Variants in EIF3E observed in about 807,000 individuals in gnomAD.
EIF3E encodes eIF-3 p48.
A neutral mutation model predicts 59.3 loss-of-function variants in EIF3E; 25 were observed. The ratio of observed to expected loss-of-function variants is 0.42; its 90% CI spans 0.31 to 0.59. The LOEUF (loss-of-function observed/expected upper bound fraction) is 0.59, where lower values mean the gene tolerates loss of function less well. Ranked by LOEUF, EIF3E falls within the 20% of genes least tolerant of loss-of-function variation. The pLI is 0.15. For missense variants in EIF3E, 317 were observed against 534.3 expected, an observed-to-expected ratio of 0.59 and a Z score of 4.01; for synonymous variants, 176 against 170.2, an observed-to-expected ratio of 1.03 and a Z score of -0.26.
Position 108,246,295 on chromosome 8 carries a change from G to A in EIF3E, c.90+2318C>T, listed in dbSNP as rs1000208816. On this transcript the variant is annotated intron_variant, in intron 1 of 12. Coordinates refer to ENST00000220849, the MANE Select transcript of EIF3E (RefSeq NM_001568.3). ...CTGCTAAGGGGGTGTGGGGGGGGGG[G>A]GCTGCTGTATCCTCACATAGCAGGA... Among the ~76,000 whole-genome samples the A allele has an allele frequency of 5.0e-5, 7 of 139,188 alleles. 1 individual carries two copies. The highest frequency in any genetic ancestry group is 1.9e-4 in the African/African-American group (7 of 37,044). The allele number at this position is 139,188 out of a possible 152,430, so 91.3% of individuals were successfully genotyped here. A position where few individuals can be genotyped will look rare whatever the true frequency, so the allele number is the denominator to read the frequency against.
chr8:108,233,689 T>A (rs1245375351), intron 5 of EIF3E: 27 of 402,266 alleles, frequency 6.7e-5, no homozygotes, highest in Middle Eastern at 3.6e-4. Flanking sequence ...AAAAAAAAAA[T>A]TAAAAATTAG....
chr8:108,230,888 T>C (rs777738036), intron 5 of EIF3E, among the ~76,000 whole-genome samples: 3 of 152,086 alleles, frequency 2.0e-5, no homozygotes, highest in Non-Finnish European at 4.4e-5. Flanking sequence ...CTCAAAAACT[T>C]GCTGGTAAAA....
intron 7 of EIF3E, 65 bp downstream of exon 7, chr8:108,228,202 A>C: frequency 7.0e-7 from 1 of 1,423,398 alleles, no homozygotes; most frequent in African/African-American, 1.5e-5. Context: ...AGTATATTTT[A>C]AGTTTAAACA....
At chr8:108,244,549 C>T (rs1056676911) in intron 1 of EIF3E, among the ~76,000 whole-genome samples, 2 of 152,102 alleles carry the variant, frequency 1.3e-5, no homozygotes, top group Admixed American at 1.3e-4. Flanking sequence ...AGAATTCCAA[C>T]TTAAAACTGA....
chr8:108,246,511 G>A (rs1815952440), intron 1 of EIF3E, among the ~76,000 whole-genome samples: 1 of 152,176 alleles, frequency 6.6e-6, no homozygotes, highest in African/African-American at 2.4e-5. Flanking sequence ...GTTTAGTGGT[G>A]AGATGTCTGG....
intron 10 of EIF3E, among the ~76,000 whole-genome samples, chr8:108,213,545 G>A (rs1178518258): frequency 1.3e-5 from 2 of 152,070 alleles, no homozygotes; most frequent in South Asian, 2.1e-4. Context: ...TTCTACAAGG[G>A]AAACCAAAAT....
At chr8:108,222,377 C>T (rs1021051698) in intron 7 of EIF3E, among the ~76,000 whole-genome samples, 1 of 152,114 alleles carries the variant, frequency 6.6e-6, no homozygotes, top group African/African-American at 2.4e-5. Flanking sequence ...CCCTACCTTA[C>T]AGGGCAAAAG....
intron 7 of EIF3E, among the ~76,000 whole-genome samples, chr8:108,226,867 C>T (rs1404131169): frequency 6.6e-6 from 1 of 152,168 alleles, no homozygotes; most frequent in Non-Finnish European, 1.5e-5. Flanking sequence ...CAGGGTATTT[C>T]AGATTTTGGA....
At chr8:108,231,722 C>T (rs1308184206) in intron 5 of EIF3E, 1 of 152,028 alleles carries the variant, frequency 6.6e-6, no homozygotes, top group Admixed American at 6.6e-5. Flanking sequence ...CAAAAATTCC[C>T]ACCAAACCAG....
intron 4 of EIF3E, 79 bp from the exon 5 acceptor site, chr8:108,235,181 T>A: frequency 2.5e-6 from 2 of 808,386 alleles, no homozygotes; most frequent in Non-Finnish European, 3.7e-6. Context: ...GTCTTTGAGG[T>A]CAAAACTATG....
intron 3 of EIF3E, among the ~76,000 whole-genome samples, chr8:108,239,339 C>T (rs959956032): frequency 6.6e-6 from 1 of 152,130 alleles, no homozygotes; most frequent in African/African-American, 2.4e-5. Flanking sequence ...TACAAGCGCA[C>T]ACCACCACAC....
chr8:108,205,011 T>C (rs1320491729), intron 10 of EIF3E, among the ~76,000 whole-genome samples: 1 of 152,060 alleles, frequency 6.6e-6, no homozygotes, highest in Non-Finnish European at 1.5e-5. Context: ...GATGGAAGAG[T>C]ACCTACATAT....
chr8:108,243,634 A>C (rs1454419283), intron 1 of EIF3E, among the ~76,000 whole-genome samples: 1 of 148,084 alleles, frequency 6.8e-6, no homozygotes, highest in Non-Finnish European at 1.5e-5. Context: ...GTCTCAAAAA[A>C]AAAGAAAAAA....
chr8:108,241,858 T>A lies in EIF3E; in HGVS notation c.146A>T (p.Asn49Ile). The change falls in exon 2 of 13, where the codon AAC becomes ATC. Residue 49 changes from asparagine to isoleucine, a missense_variant. Asn to Ile is a moderately radical substitution (Grantham distance 149, BLOSUM62 -3). Transcript: ENST00000220849. ...QGKLDLLSDTNMVDFAMDVYK... is the reference protein window; with the variant it reads ...QGKLDLLSDTIMVDFAMDVYK... ...TACATCCATAGCAAAGTCTACCATG[T>A]TGGTATCACTAAGAAGGTCCAATTT... The A allele has an allele frequency of 6.2e-7, 1 of 1,602,718 alleles. No individual in the cohort carries two copies. The highest frequency in any genetic ancestry group is 8.5e-7 in the Non-Finnish European group (1 of 1,177,032).
At chr8:108,237,915 T>C (rs981001189) in intron 3 of EIF3E, among the ~76,000 whole-genome samples, 1 of 152,226 alleles carries the variant, frequency 6.6e-6, no homozygotes, top group Non-Finnish European at 1.5e-5. Flanking sequence ...GGTTTTTACA[T>C]TGAAAATAGG....
chr8:108,210,493 C>T (rs1466392674), intron 10 of EIF3E, among the ~76,000 whole-genome samples: 1 of 152,122 alleles, frequency 6.6e-6, no homozygotes, highest in Non-Finnish European at 1.5e-5. Context: ...TAATTTTTAG[C>T]TCTGTTGGTC....
rs191450694 is a variant in EIF3E at position 108,201,970 on chromosome 8, C to A, written c.1300-47G>T. ...CAACACCGTGAAAAGAAAATACTTT[C>A]GGAAAAAAACTAACATAGAAGAAAG... On this transcript the variant is annotated intron_variant, in intron 12 of 12. Coordinates refer to ENST00000220849, the MANE Select transcript of EIF3E (RefSeq NM_001568.3). The A allele has an allele frequency of 4.0e-6, 6 of 1,484,666 alleles. No homozygotes were observed. In the South Asian group the frequency reaches 5.6e-5, roughly 14 times the overall value. The allele number at this position is 1,484,666 out of a possible 1,614,324, so 92.0% of individuals were successfully genotyped here.
At chr8:108,242,444 G>A in intron 1 of EIF3E, 1 of 1,288,538 alleles carries the variant, frequency 7.8e-7, no homozygotes, top group Non-Finnish European at 1.0e-6. Flanking sequence ...GGAGCAAATA[G>A]ATACATATAC....
chr8:108,235,811 C>T (rs945259363), intron 4 of EIF3E, among the ~76,000 whole-genome samples: 1 of 152,172 alleles, frequency 6.6e-6, no homozygotes, highest in East Asian at 1.9e-4. Flanking sequence ...TTCTGTTTGC[C>T]TTACTCGTTA....
Sources: allele counts gnomAD v4.1 joint callset (sites outside exome capture counted in the v4.1 genomes callset), GRCh38; gene constraint gnomAD v4.1.1; transcripts MANE v1.5; gene names NCBI Gene and HGNC (gene_info 2026-07-23, HGNC 2026-07-21).